UBXN2B: variants seen among roughly 807,000 people sequenced by gnomAD.
UBXN2B encodes the protein UBX domain protein 2B.
Under a neutral mutation model 37.5 loss-of-function variants are expected in UBXN2B, and 19 were observed. The observed-to-expected ratio is 0.51, with a 90% CI of 0.35 to 0.74. The LOEUF is 0.74. Among genes scored for constraint, UBXN2B ranks in the 30% least tolerant of loss-of-function variants. The probability of loss-of-function intolerance (pLI) is 0.01; values close to 1 mark genes in which losing one functional copy is unlikely to be tolerated. For missense variants in UBXN2B, 370 were observed against 393.2 expected, an observed-to-expected ratio of 0.94 and a Z score of 0.50; for synonymous variants, 145 against 143.8, an observed-to-expected ratio of 1.01 and a Z score of -0.06.
intron 5 of UBXN2B, among the ~76,000 whole-genome samples, chr8:58,436,109 C>T (rs967216427): frequency 1.3e-5 from 2 of 151,542 alleles, no homozygotes; most frequent in Admixed American, 6.6e-5. Context: ...GTTTGTACCT[C>T]TGTGCAGTCT....
At chr8:58,424,144 A>C (rs1054109538) in intron 2 of UBXN2B, among the ~76,000 whole-genome samples, 4 of 151,512 alleles carry the variant, frequency 2.6e-5, no homozygotes, top group Non-Finnish European at 5.9e-5. Context: ...CTTTTCTAAG[A>C]TGTTGTTACT....
chr8:58,423,388 T>G (rs1380295805), intron 2 of UBXN2B, among the ~76,000 whole-genome samples: 1 of 151,710 alleles, frequency 6.6e-6, no homozygotes, highest in Non-Finnish European at 1.5e-5. Flanking sequence ...ACAGCCCAGC[T>G]GAGCCCAACT....
In UBXN2B at chr8:58,445,039, C is replaced by T. The variant is rs1041404485; in HGVS notation, c.672-868C>T. 6.6e-5 allele frequency among the ~76,000 whole-genome samples: 10 copies of T among 152,260 alleles called. No homozygotes were observed. The Middle Eastern group carries it at 0.017, about 259-fold the overall frequency. On this transcript the variant is annotated intron_variant, in intron 6 of 7. Transcript: ENST00000399598. ...AATCTATAGGAAACCATCTAAATCT[C>T]AGAGTTCAAGAGAAAAAACTTCAAG...
rs1169206618 is a variant in UBXN2B at position 58,424,916 on chromosome 8, A to G, written c.189-5603A>G. On this transcript the variant is annotated intron_variant, in intron 2 of 7. Coordinates refer to ENST00000399598, the MANE Select transcript of UBXN2B (RefSeq NM_001077619.2). ...ATAGTTTTGAGAACGTCAATGTTGCAGTCAACACCTTTCTCTCTGTTGATG... is the reference window on the plus strand; with the variant it reads ...ATAGTTTTGAGAACGTCAATGTTGCGGTCAACACCTTTCTCTCTGTTGATG... 19 of 877,974 alleles carry G rather than the reference A, an allele frequency of 2.2e-5. 1 individual carries two copies. In the South Asian group the frequency reaches 2.2e-4, roughly 10 times the overall value. The allele number at this position is 877,974 out of a possible 1,614,324, so 54.4% of individuals were successfully genotyped here.
At chr8:58,416,538 C>G (rs1807787590) in intron 1 of UBXN2B, among the ~76,000 whole-genome samples, 1 of 151,964 alleles carries the variant, frequency 6.6e-6, no homozygotes, top group Non-Finnish European at 1.5e-5. Flanking sequence ...AAGAATTGCA[C>G]AAGAATTTTA....
intron 1 of UBXN2B, among the ~76,000 whole-genome samples, chr8:58,415,940 C>A (rs1313097065): frequency 1.3e-5 from 2 of 151,588 alleles, no homozygotes; most frequent in Non-Finnish European, 1.5e-5. Flanking sequence ...AACATTGCCC[C>A]AATGCCCTGT....
chr8:58,416,629 A>T (rs1018902239), intron 1 of UBXN2B, among the ~76,000 whole-genome samples: 1 of 152,230 alleles, frequency 6.6e-6, no homozygotes, highest in Non-Finnish European at 1.5e-5. Flanking sequence ...TCAAGTAATT[A>T]TTATAACTTA....
chr8:58,426,138 A>G, intron 2 of UBXN2B: 1 of 1,160,158 alleles, frequency 8.6e-7, no homozygotes, highest in Non-Finnish European at 1.3e-6. Flanking sequence ...TGCCGGACCA[A>G]CTCAGCCAAA....
intron 5 of UBXN2B, among the ~76,000 whole-genome samples, chr8:58,435,335 A>G (rs1271071871): frequency 5.3e-5 from 8 of 152,208 alleles, no homozygotes; most frequent in Non-Finnish European, 8.8e-5. Flanking sequence ...GTCTTTTAGA[A>G]GACTAATTAG....
At chr8:58,443,082 G>A (rs765682016) in intron 6 of UBXN2B, among the ~76,000 whole-genome samples, 1 of 152,192 alleles carries the variant, frequency 6.6e-6, no homozygotes, top group South Asian at 2.1e-4. Context: ...TGCTGAGCAG[G>A]CAGTGCTGTG....
chr8:58,434,938 G>T, intron 5 of UBXN2B: 1 of 1,535,534 alleles, frequency 6.5e-7, no homozygotes. Context: ...GCTGGCAGAA[G>T]ATTTCAAAAG....
At chr8:58,423,079 A>AATCATCATC (rs35213875) in intron 2 of UBXN2B, among the ~76,000 whole-genome samples, 55 of 149,050 alleles carry the variant, frequency 3.7e-4, no homozygotes, top group Middle Eastern at 3.4e-3. Flanking sequence ...GGTGAGACGA[A>AATCATCATC]ATCATCATCA....
At chr8:58,415,063 A>G (rs1166955316) in intron 1 of UBXN2B, among the ~76,000 whole-genome samples, 1 of 152,146 alleles carries the variant, frequency 6.6e-6, no homozygotes, top group African/African-American at 2.4e-5. Context: ...TTTTAGGTAC[A>G]ATATTAGAAA....
chr8:58,447,669 G>T lies in UBXN2B; in HGVS notation c.*118G>T. On this transcript the variant is annotated 3_prime_UTR_variant, in exon 8 of 8. Transcript: ENST00000399598. ...TTTATTATTTTTACAGATAAATTTTGGTTTTATTGTTATTCTGTCTTCCAA... is the reference window on the plus strand; with the variant it reads ...TTTATTATTTTTACAGATAAATTTTTGTTTTATTGTTATTCTGTCTTCCAA... The T allele has an allele frequency of 1.9e-6, 2 of 1,061,576 alleles. No individual in the cohort carries two copies. Among genetic ancestry groups the T allele is most frequent in the East Asian group, 2.8e-5 (1 of 36,246 alleles). 65.8% of individuals were successfully genotyped at this position (1,061,576 alleles called of 1,614,324 possible). A position where few individuals can be genotyped will look rare whatever the true frequency, so the allele number is the denominator to read the frequency against.
intron 5 of UBXN2B, among the ~76,000 whole-genome samples, chr8:58,436,229 C>T (rs929067065): frequency 2.0e-5 from 3 of 152,090 alleles, no homozygotes; most frequent in Non-Finnish European, 4.4e-5. Flanking sequence ...GGTAAAGGTC[C>T]AAACAAAACA....
chr8:58,430,562 C>G lies in UBXN2B; in HGVS notation c.232C>G (p.Arg78Gly). ...TGAATACAGTGGATTAAATATAGTT[C>G]GACCTTCAACTGGGAAAATTGTGAA... ...EHEYSGLNIV[R>G]PSTGKIVNEL... The change falls in exon 3 of 8, where the codon CGA becomes GGA. Residue 78 changes from arginine to glycine, a missense_variant. Physicochemically the swap from Arg to Gly is moderately radical, Grantham distance 125. Coordinates refer to ENST00000399598, the MANE Select transcript of UBXN2B (RefSeq NM_001077619.2). 9 of 1,604,150 alleles carry G rather than the reference C, an allele frequency of 5.6e-6. No individual in the cohort carries two copies. The highest frequency in any genetic ancestry group is 7.7e-6 in the Non-Finnish European group (9 of 1,174,574).
chr8:58,426,069 A>G (rs1161210548), intron 2 of UBXN2B: 3 of 1,389,610 alleles, frequency 2.2e-6, no homozygotes, highest in African/African-American at 2.9e-5. Context: ...TTCAGAGGAT[A>G]TTTAAGCTCA....
At chr8:58,421,019 G>A (rs1017648012) in intron 2 of UBXN2B, among the ~76,000 whole-genome samples, 2 of 152,194 alleles carry the variant, frequency 1.3e-5, no homozygotes, top group African/African-American at 4.8e-5. Context: ...TATGTCTACA[G>A]TCTAAGTTTC....
chr8:58,411,485 G>C lies in UBXN2B; in HGVS notation c.84+16G>C, dbSNP rs1807635497. Reference sequence around the variant, plus strand: ...GGATTTGCAGGTGAGGCGAGGAGCCGGGGGAGGGAGCGCGGCGGTGGACGC... The same window carrying C: ...GGATTTGCAGGTGAGGCGAGGAGCCCGGGGAGGGAGCGCGGCGGTGGACGC... On this transcript the variant is annotated intron_variant, in intron 1 of 7. Transcript: ENST00000399598. 1 of 1,248,406 alleles carries C rather than the reference G, an allele frequency of 8.0e-7. No individual in the cohort carries two copies. The allele number at this position is 1,248,406 out of a possible 1,614,324, so 77.3% of individuals were successfully genotyped here. A position where few individuals can be genotyped will look rare whatever the true frequency, so the allele number is the denominator to read the frequency against.
Sources: allele counts gnomAD v4.1 joint callset (sites outside exome capture counted in the v4.1 genomes callset), GRCh38; gene constraint gnomAD v4.1.1; transcripts MANE v1.5; gene names NCBI Gene and HGNC (gene_info 2026-07-23, HGNC 2026-07-21).